Variants in PROM2 observed in about 807,000 individuals in gnomAD.
PROM2 encodes prominin 2.
PROM2 carries 90 observed loss-of-function variants against 110.2 expected under a neutral mutation model. The observed-to-expected ratio is 0.82, with a 90% CI of 0.69 to 0.97. The LOEUF is 0.97. Among genes scored for constraint, PROM2 ranks in the 50% least tolerant of loss-of-function variants. The probability of loss-of-function intolerance (pLI) is 0.00; values close to 1 mark genes in which losing one functional copy is unlikely to be tolerated. For missense variants in PROM2, 1,009 were observed against 1,074.8 expected (o/e 0.94, Z 0.86); for synonymous variants, 470 against 467.8 (o/e 1.00, Z -0.06).
chr2:95,281,399 G>A (rs540116649), intron 12 of PROM2, 34 bp downstream of exon 12: 9 of 1,538,534 alleles, frequency 5.8e-6, no homozygotes, highest in Admixed American at 1.7e-5. Flanking sequence ...CCCTCCTGGG[G>A]AGAGAGGTGG....
Position 95,274,522 on chromosome 2 carries a change from T to A in PROM2, c.-64T>A. On this transcript the variant is annotated 5_prime_UTR_variant, in exon 1 of 24. The change abolishes an upstream ATG in the 5' untranslated region. Coordinates refer to ENST00000317620, the MANE Select transcript of PROM2 (RefSeq NM_001165978.3). ...GAGAGGGACAGAGGCTGGAGAAGGA[T>A]GTATGGCCTGCCCTGGGCTTGTCTG... The A allele has an allele frequency of 6.7e-7, 1 of 1,493,700 alleles. No individual in the cohort carries two copies. Among genetic ancestry groups the A allele is most frequent in the Non-Finnish European group, 8.9e-7 (1 of 1,119,550 alleles). 92.5% of individuals were successfully genotyped at this position (1,493,700 alleles called of 1,614,324 possible).
In PROM2 at chr2:95,275,358, G is replaced by T; in HGVS notation, c.245-103G>T. 8.9e-7 allele frequency: 1 copy of T among 1,122,646 alleles called. No individual in the cohort carries two copies. 69.5% of individuals were successfully genotyped at this position (1,122,646 alleles called of 1,614,324 possible). A position where few individuals can be genotyped will look rare whatever the true frequency, so the allele number is the denominator to read the frequency against. On this transcript the variant is annotated intron_variant, in intron 1 of 23. Coordinates refer to ENST00000317620, the MANE Select transcript of PROM2 (RefSeq NM_001165978.3). This position sits in a 1 kb window ranked among gnomAD's most constrained non-coding sequence, Gnocchi z 4.4. Reference sequence around the variant, plus strand: ...TGCGAGGGTGCCATGGTGGTGGCAGGAGCCCTGCCTCAGAGCCACTTTGCC... The same window carrying T: ...TGCGAGGGTGCCATGGTGGTGGCAGTAGCCCTGCCTCAGAGCCACTTTGCC...
intron 14 of PROM2, among the ~76,000 whole-genome samples, chr2:95,284,370 A>G (rs1196002907): frequency 6.6e-6 from 1 of 152,072 alleles, no homozygotes; most frequent in African/African-American, 2.4e-5. Context: ...TTGCACCTGT[A>G]GTCCCAGCTA....
At chr2:95,288,614 C>T in intron 22 of PROM2, 25 bp downstream of exon 22, 1 of 1,593,662 alleles carries the variant, frequency 6.3e-7, no homozygotes, top group Non-Finnish European at 8.6e-7. Context: ...GGGCTGCAGG[C>T]AGCATCAGGG....
At chr2:95,282,285 T>G (rs1677097159) in intron 14 of PROM2, 59 bp downstream of exon 14, 1 of 1,426,046 alleles carries the variant, frequency 7.0e-7, no homozygotes, top group African/African-American at 1.4e-5. Context: ...CCTCTGGTCT[T>G]TTTGCCTCTG....
In PROM2 at chr2:95,288,310, C is replaced by T. The variant is rs1670939651; in HGVS notation, c.2334+10C>T. 1 of 1,613,866 alleles carries T rather than the reference C, an allele frequency of 6.2e-7. No individual in the cohort carries two copies. The highest frequency in any genetic ancestry group is 8.5e-7 in the Non-Finnish European group (1 of 1,179,846). Reference sequence around the variant, plus strand: ...GATGGCTGACCCCTGGGTGAGTGCCCCAGCTCATCGGGGCTTGTTCACCAA... The same window carrying T: ...GATGGCTGACCCCTGGGTGAGTGCCTCAGCTCATCGGGGCTTGTTCACCAA... On this transcript the variant is annotated intron_variant, in intron 21 of 23. Transcript: ENST00000317620.
chr2:95,284,085 G>A (rs575009904), intron 14 of PROM2, among the ~76,000 whole-genome samples: 1 of 152,232 alleles, frequency 6.6e-6, no homozygotes, highest in Non-Finnish European at 1.5e-5. Flanking sequence ...CTGGAGGAAG[G>A]CCAGGTCTTG....
At chr2:95,278,154 C>G (rs544581399) in intron 8 of PROM2, 150 bp downstream of exon 8, 410 of 653,118 alleles carry the variant, frequency 6.3e-4, no homozygotes, top group Non-Finnish European at 1.0e-3. Context: ...GACGACCATC[C>G]TTGGTGTGCA....
At chr2:95,280,034 T>A (rs557946362) in intron 11 of PROM2, 37 bp downstream of exon 11, 1 of 1,370,380 alleles carries the variant, frequency 7.3e-7, no homozygotes, top group Non-Finnish European at 9.5e-7. Context: ...GGTCCCCTCT[T>A]ATAGGGCTGG....
In PROM2 at chr2:95,276,274, A is replaced by G; in HGVS notation, c.545A>G (p.Gln182Arg). ...GTCACCAACCAGCGCACGCATGAAC[A>G]GATGGGCCCCAGCATCGAGGCCATG... is the stretch of plus-strand genomic sequence containing the variant. ...AFVTNQRTHEQMGPSIEAMPE... is the reference protein window; with the variant it reads ...AFVTNQRTHERMGPSIEAMPE... Residue 182 changes from glutamine to arginine, a missense_variant, in exon 4 of 24, where the codon CAG (glutamine) becomes CGG (arginine). Coordinates refer to ENST00000317620, the MANE Select transcript of PROM2 (RefSeq NM_001165978.3). The surrounding 1 kb of genome is among the most constrained non-coding windows in gnomAD (Gnocchi z 4.6). 1 of 1,613,936 alleles carries G rather than the reference A, an allele frequency of 6.2e-7. No individual in the cohort carries two copies.
chr2:95,287,393 C>T lies in PROM2; in HGVS notation c.2176-3C>T, dbSNP rs772100467. The T allele has an allele frequency of 1.2e-6, 2 of 1,614,068 alleles. No individual in the cohort carries two copies. The highest frequency in any genetic ancestry group is 4.5e-5 in the East Asian group (2 of 44,872). ...CAGCTCAGACCTCCTTTCCTTCCTG[C>T]AGGTGAGTGAGTGTTTCCTGGCCCG... On this transcript the variant is annotated splice_polypyrimidine_tract_variant and splice_region_variant and intron_variant, in intron 19 of 23. Transcript: ENST00000317620.
At chr2:95,282,494 G>A (rs1325253228) in intron 14 of PROM2, among the ~76,000 whole-genome samples, 2 of 152,226 alleles carry the variant, frequency 1.3e-5, no homozygotes, top group Non-Finnish European at 2.9e-5. Context: ...TGAGCAGGAG[G>A]ATGAGGGGGC....
Position 95,285,644 on chromosome 2 carries a change from G to A in PROM2, c.1881G>A (p.Gln627=), listed in dbSNP as rs1329553058. Residue 627 remains glutamine (Q), a synonymous_variant, in exon 16 of 24, where the codon CAG becomes CAA. Coordinates refer to ENST00000317620, the MANE Select transcript of PROM2 (RefSeq NM_001165978.3). ...CCTCTTCTGTCCACCTGCAGATCCA[G>A]AGGCCCGTGGTGAAGACCAGCATGG... ...IHYPDFLVQI[Q]RPVVKTSMEQ... is the part of the protein sequence containing the mutation. 1.3e-6 allele frequency: 2 copies of A among 1,598,380 alleles called. No homozygotes were observed. Among genetic ancestry groups the A allele is most frequent in the African/African-American group, 2.7e-5 (2 of 74,594 alleles).
chr2:95,286,785 C>A lies in PROM2; in HGVS notation c.2041-19C>A. 6.2e-7 allele frequency: 1 copy of A among 1,612,782 alleles called. No individual in the cohort carries two copies. Among genetic ancestry groups the A allele is most frequent in the Non-Finnish European group, 8.5e-7 (1 of 1,179,610 alleles). ...CTTCCCTTGCACTCCCCTAACCAGC[C>A]CTGATCTCTTCTCCACAGGCAAAGC... On this transcript the variant is annotated intron_variant, in intron 17 of 23. Transcript: ENST00000317620.
intron 10 of PROM2, 130 bp downstream of exon 10, chr2:95,279,274 G>T (rs1573450619): frequency 4.4e-6 from 3 of 679,594 alleles, no homozygotes; most frequent in East Asian, 3.2e-5. Context: ...TGTGTTTTTT[G>T]TTTGTTTGTT....
chr2:95,286,715 C>CTCCCCTCCT lies in PROM2; in HGVS notation c.2041-89_2041-88insTCCCCTCCT. ...CCTCCTCTCCCCTCCTCTCCCCTCCCCTCCCCTCCACTCCCCTCCACTTTC... is the reference window on the plus strand; with the variant it reads ...CCTCCTCTCCCCTCCTCTCCCCTCCCTCCCCTCCTCTCCCCTCCACTCCCCTCCACTTTC... On this transcript the variant is annotated intron_variant, in intron 17 of 23. Coordinates refer to ENST00000317620, the MANE Select transcript of PROM2 (RefSeq NM_001165978.3). 4 of 778,772 alleles carry CTCCCCTCCT rather than the reference C, an allele frequency of 5.1e-6. No individual in the cohort carries two copies. In the Admixed American group the frequency reaches 8.5e-5, roughly 17 times the overall value. 48.2% of individuals were successfully genotyped at this position (778,772 alleles called of 1,614,324 possible).
chr2:95,288,718 A>C (rs1192438768), intron 22 of PROM2, 129 bp downstream of exon 22: 5 of 857,906 alleles, frequency 5.8e-6, no homozygotes, highest in Non-Finnish European at 9.2e-6. Context: ...AGCCCTGAAG[A>C]GCCACACTCT....
intron 8 of PROM2, chr2:95,278,293 G>T: frequency 1.8e-6 from 1 of 556,128 alleles, no homozygotes; most frequent in Non-Finnish European, 3.2e-6. Context: ...GGCCAAGGGG[G>T]AGGATGCGGT....
rs1007810368 is a variant in PROM2 at position 95,286,984 on chromosome 2, G to T, written c.2094+127G>T. The T allele has an allele frequency of 3.1e-6, 4 of 1,293,126 alleles. No individual in the cohort carries two copies. In the African/African-American group the frequency reaches 5.8e-5, roughly 19 times the overall value. 80.1% of individuals were successfully genotyped at this position (1,293,126 alleles called of 1,614,324 possible). A position where few individuals can be genotyped will look rare whatever the true frequency, so the allele number is the denominator to read the frequency against. ...TTGCAGGTGGGGTTGGGAGGAAGAT[G>T]GGGGTGGCAGCAGAGCCTGGGGGAT... On this transcript the variant is annotated intron_variant, in intron 18 of 23. Transcript: ENST00000317620.
Sources: gnomAD v4.1 joint callset for allele counts (sites outside exome capture counted in the v4.1 genomes callset) on GRCh38, gnomAD v4.1.1 for gene constraint, Gnocchi (gnomAD v3.1) non-coding constraint, MANE v1.5 for transcripts, NCBI Gene and HGNC (gene_info 2026-07-23, HGNC 2026-07-21) for gene names.